TEAD4: variants seen among roughly 807,000 people sequenced by gnomAD.
TEAD4 encodes the protein TEA domain transcription factor 4, also known as transcriptional enhancer factor TEF-3.
Under a neutral mutation model 52.4 loss-of-function variants are expected in TEAD4, and 36 were observed. That is an observed-to-expected ratio of 0.69 (90% CI 0.53 to 0.91). The LOEUF is 0.91. Ranked by LOEUF, TEAD4 falls within the 40% of genes least tolerant of loss-of-function variation. The pLI is 0.00. For missense variants in TEAD4, 508 were observed against 583.9 expected (o/e 0.87, Z 1.34); for synonymous variants, 220 against 231.0 (o/e 0.95, Z 0.43).
intron 10 of TEAD4, among the ~76,000 whole-genome samples, chr12:3,034,988 C>T (rs2098278474): frequency 6.6e-6 from 1 of 152,016 alleles, no homozygotes; most frequent in Non-Finnish European, 1.5e-5. Flanking sequence ...GTAATCTCAG[C>T]TACTCAGGAG....
intron 8 of TEAD4, 26 bp from the exon 9 acceptor site, chr12:3,020,608 C>A: frequency 6.6e-7 from 1 of 1,511,122 alleles, no homozygotes. Flanking sequence ...TGACCAGGTT[C>A]CATGTGCCTT....
intron 10 of TEAD4, among the ~76,000 whole-genome samples, chr12:3,032,330 G>A (rs2098276166): frequency 6.6e-6 from 1 of 152,148 alleles, no homozygotes; most frequent in Non-Finnish European, 1.5e-5. Flanking sequence ...TGTGCTGTAC[G>A]GACCCAGCGC....
At chr12:3,022,835 C>T (rs1199059593) in intron 10 of TEAD4, among the ~76,000 whole-genome samples, 1 of 152,118 alleles carries the variant, frequency 6.6e-6, no homozygotes, top group Non-Finnish European at 1.5e-5. Flanking sequence ...CGGACTGAGG[C>T]TTGGGTGGCT....
At chr12:3,030,456 C>A (rs1565551741) in intron 10 of TEAD4, among the ~76,000 whole-genome samples, 1 of 152,192 alleles carries the variant, frequency 6.6e-6, no homozygotes, top group South Asian at 2.1e-4. Context: ...CCGAGCCACG[C>A]AGCTCAGCTT....
chr12:3,030,005 G>A (rs534983527), intron 10 of TEAD4, among the ~76,000 whole-genome samples: 1 of 152,206 alleles, frequency 6.6e-6, no homozygotes, highest in African/African-American at 2.4e-5. Flanking sequence ...TTCTGGTAGT[G>A]GGATAAAGGG....
At chr12:3,021,157 C>G (rs182970229) in intron 9 of TEAD4, among the ~76,000 whole-genome samples, 7 of 152,266 alleles carry the variant, frequency 4.6e-5, no homozygotes, top group Admixed American at 3.9e-4. Flanking sequence ...TCTCCTGTGT[C>G]TGCTCCATAT....
chr12:2,962,906 T>C (rs2153951996), intron 2 of TEAD4, among the ~76,000 whole-genome samples: 1 of 152,276 alleles, frequency 6.6e-6, no homozygotes, highest in South Asian at 2.1e-4. Flanking sequence ...GCCCTGTGGA[T>C]TGCAGTGCTT....
Position 3,017,421 on chromosome 12 carries a change from C to A in TEAD4, c.378C>A (p.Ala126=), listed in dbSNP as rs1446426625. The stretch of plus-strand genomic sequence containing the variant: ...AGGACCAGGCAGCTAAGGACAAGGC[C>A]CTGCAGAGCATGGCTGCCATGTCGT... Residue 126 remains alanine (A), a synonymous_variant, in exon 6 of 13, where the codon GCC becomes GCA. Coordinates refer to ENST00000359864, the MANE Select transcript of TEAD4 (RefSeq NM_003213.4). 4.3e-6 allele frequency: 7 copies of A among 1,614,136 alleles called. No homozygotes were observed. In the African/African-American group the frequency reaches 9.3e-5, roughly 22 times the overall value.
At chr12:2,960,657 T>G (rs761051328) in intron 2 of TEAD4, among the ~76,000 whole-genome samples, 10 of 152,108 alleles carry the variant, frequency 6.6e-5, no homozygotes, top group Non-Finnish European at 1.3e-4. Flanking sequence ...TGGCTTCCAG[T>G]GGGCGTATTT....
intron 5 of TEAD4, among the ~76,000 whole-genome samples, chr12:3,013,663 A>G (rs1344650826): frequency 6.6e-6 from 1 of 152,012 alleles, no homozygotes; most frequent in African/African-American, 2.4e-5. Flanking sequence ...GAACCTGGGA[A>G]GTGGAGGTTG....
At chr12:3,028,124 A>G (rs1302940043) in intron 10 of TEAD4, among the ~76,000 whole-genome samples, 1 of 152,154 alleles carries the variant, frequency 6.6e-6, no homozygotes, top group Non-Finnish European at 1.5e-5. Context: ...AACTTGGCAT[A>G]GTGTTTTCAA....
chr12:2,995,062 T>C, intron 3 of TEAD4, 70 bp downstream of exon 3: 10 of 1,546,910 alleles, frequency 6.5e-6, no homozygotes, highest in African/African-American at 1.4e-5. Context: ...AACCTTGGGG[T>C]TCCTGCCGGG....
chr12:2,972,747 C>T lies in TEAD4; in HGVS notation c.-30+12707C>T, dbSNP rs113359846. 7.9e-4 allele frequency among the ~76,000 whole-genome samples: 120 copies of T among 151,878 alleles called. 1 individual carries two copies. Among genetic ancestry groups the T allele is most frequent in the African/African-American group, 2.8e-3 (115 of 41,416 alleles). The stretch of plus-strand genomic sequence containing the variant: ...AACTCCTGACCTCAGGTGATCCGCC[C>T]GCCTCGGCCTCCCAAAGTGCTGGGA... On this transcript the variant is annotated intron_variant, in intron 2 of 12. Transcript: ENST00000359864.
intron 2 of TEAD4, among the ~76,000 whole-genome samples, chr12:2,965,038 T>C (rs535596926): frequency 2.8e-4 from 43 of 151,876 alleles, no homozygotes; most frequent in Admixed American, 2.0e-4. Context: ...GGAAGGAGGG[T>C]AGGAGTAGGA....
At chr12:3,033,749 G>GT (rs764325070) in intron 10 of TEAD4, among the ~76,000 whole-genome samples, 17 of 152,222 alleles carry the variant, frequency 1.1e-4, no homozygotes, top group Non-Finnish European at 1.3e-4. Flanking sequence ...CGGAGGGAGG[G>GT]TTGCAAGGGG....
intron 3 of TEAD4, among the ~76,000 whole-genome samples, chr12:2,996,850 G>T (rs910107579): frequency 6.6e-6 from 1 of 152,100 alleles, no homozygotes; most frequent in African/African-American, 2.4e-5. Context: ...CGAGTAGTTG[G>T]GTCTACAGGC....
At chr12:2,983,884 G>A (rs1275134161) in intron 2 of TEAD4, among the ~76,000 whole-genome samples, 1 of 152,226 alleles carries the variant, frequency 6.6e-6, no homozygotes, top group African/African-American at 2.4e-5. Flanking sequence ...CTGTCCCCAT[G>A]GTGTCTAAAG....
chr12:3,000,603 A>G (rs1344181646), intron 3 of TEAD4, among the ~76,000 whole-genome samples: 1 of 152,136 alleles, frequency 6.6e-6, no homozygotes, highest in Non-Finnish European at 1.5e-5. Flanking sequence ...ATACTGCCAC[A>G]TGGGGGATTA....
Position 3,040,120 on chromosome 12 carries a change from G to C in TEAD4, c.1052G>C (p.Arg351Pro). 1 of 1,614,156 alleles carries C rather than the reference G, an allele frequency of 6.2e-7. No homozygotes were observed. The highest frequency in any genetic ancestry group is 1.1e-5 in the South Asian group (1 of 91,084). ...CGGGTCCTGCAGACAGAGTATGCTC[G>C]CTATGAGAATGGACACTACTCTTAC... The change falls in exon 12 of 13, where the codon CGC becomes CCC. Residue 351 changes from arginine to proline, a missense_variant. Arg to Pro is a moderately radical substitution (Grantham distance 103). Transcript: ENST00000359864.
Sources: allele counts gnomAD v4.1 joint callset (sites outside exome capture counted in the v4.1 genomes callset), GRCh38; gene constraint gnomAD v4.1.1; transcripts MANE v1.5; gene names NCBI Gene and HGNC (gene_info 2026-07-23, HGNC 2026-07-21).